PIH1D2: variants seen among roughly 807,000 people sequenced by gnomAD.
PIH1D2 encodes the protein PIH1 domain containing 2, also known as PIH1 domain-containing protein 2.
In PIH1D2, 25 loss-of-function variants were observed where a neutral mutation model predicts 31.2. The ratio of observed to expected loss-of-function variants is 0.80; its 90% confidence interval spans 0.58 to 1.12. The LOEUF is 1.12. PIH1D2 is among the 50% of genes most tolerant of loss of function. The probability of loss-of-function intolerance (pLI) is 0.00; values close to 1 mark genes in which losing one functional copy is unlikely to be tolerated. For missense variants in PIH1D2, 310 were observed against 356.6 expected, an observed-to-expected ratio of 0.87 and a Z score of 1.05; for synonymous variants, 116 against 119.9, an observed-to-expected ratio of 0.97 and a Z score of 0.21.
chr11:112,067,557 C>G (rs1166099265), downstream of PIH1D2, among the ~76,000 whole-genome samples: 1 of 145,108 alleles, frequency 6.9e-6, no homozygotes, highest in Non-Finnish European at 1.5e-5. Flanking sequence ...CCCAGCTACT[C>G]GGGAGGCTGA....
downstream of PIH1D2, among the ~76,000 whole-genome samples, chr11:112,064,830 T>C (rs1030714349): frequency 1.3e-4 from 19 of 150,740 alleles, no homozygotes; most frequent in Admixed American, 1.3e-4. Flanking sequence ...TGTAGAAAAA[T>C]CTGGTCTCCA....
At chr11:112,058,052 C>G in the PIH1D2 span, among the ~76,000 whole-genome samples, 2 of 152,076 alleles carry the variant, frequency 1.3e-5, no homozygotes, top group Non-Finnish European at 2.9e-5. Context: ...TGGTCTGGAA[C>G]TGAACCTGGA....
At chr11:112,070,882 A>G in intron 4 of PIH1D2, 156 bp downstream of exon 4, 2 of 1,222,794 alleles carry the variant, frequency 1.6e-6, no homozygotes, top group South Asian at 1.7e-5. Flanking sequence ...CAGGATTTAA[A>G]AATCAAGGAT....
intron 2 of PIH1D2, among the ~76,000 whole-genome samples, chr11:112,072,549 CAAAAAAAAAA>C (rs148760956): frequency 1.4e-4 from 5 of 36,358 alleles, no homozygotes; most frequent in South Asian, 2.6e-3. Context: ...GACCCTATCT[CAAAAAAAAAA>C]AAAAAAAAAA....
chr11:112,056,966 C>G, the PIH1D2 span, among the ~76,000 whole-genome samples: 1 of 152,148 alleles, frequency 6.6e-6, no homozygotes, highest in Non-Finnish European at 1.5e-5. Context: ...TTGATGGCAC[C>G]ATTTTTCCAA....
At chr11:112,059,138 C>T (rs1164350587), downstream of PIH1D2, among the ~76,000 whole-genome samples, 2 of 151,966 alleles carry the variant, frequency 1.3e-5, no homozygotes, top group Non-Finnish European at 2.9e-5. Context: ...CTATTTCTTG[C>T]TACAATGCAG....
At chr11:112,068,582 G>C (rs1865007440) in intron 5 of PIH1D2, among the ~76,000 whole-genome samples, 1 of 152,022 alleles carries the variant, frequency 6.6e-6, no homozygotes, top group Admixed American at 6.6e-5. Flanking sequence ...CCAGGAGTTC[G>C]AGACCAACAT....
chr11:112,065,851 G>C (rs1264702263), downstream of PIH1D2, among the ~76,000 whole-genome samples: 1 of 152,028 alleles, frequency 6.6e-6, no homozygotes, highest in African/African-American at 2.4e-5. Context: ...TGTGGTGGCA[G>C]TCGCCTGTAA....
chr11:112,055,235 ATTTTT>A, the PIH1D2 span, among the ~76,000 whole-genome samples: 1 of 75,454 alleles, frequency 1.3e-5, no homozygotes, highest in Non-Finnish European at 2.5e-5. Context: ...GTCAAGGCCT[ATTTTT>A]TTTTTTTTTT....
the PIH1D2 span, among the ~76,000 whole-genome samples, chr11:112,055,706 A>T: frequency 4.6e-5 from 7 of 151,888 alleles, no homozygotes; most frequent in African/African-American, 1.7e-4. Flanking sequence ...TGCTATGGCC[A>T]CCGTGATGAT....
chr11:112,058,939 A>G (rs1555182872), downstream of PIH1D2, among the ~76,000 whole-genome samples: 1 of 151,664 alleles, frequency 6.6e-6, no homozygotes, highest in African/African-American at 2.4e-5. Context: ...TTTTCTAGTA[A>G]TTTGAGTATT....
downstream of PIH1D2, among the ~76,000 whole-genome samples, chr11:112,059,308 C>T (rs1175532630): frequency 2.6e-5 from 4 of 151,312 alleles, no homozygotes; most frequent in South Asian, 4.2e-4. Context: ...GGATGTTAGA[C>T]GATATGTGCG....
chr11:112,059,813 T>G, downstream of PIH1D2: 1 of 1,202,908 alleles, frequency 8.3e-7, no homozygotes, highest in Non-Finnish European at 1.1e-6. Context: ...TCAAAAAATT[T>G]TTGAAGTAAA....
intron 4 of PIH1D2, 126 bp downstream of exon 4, chr11:112,070,912 A>C: frequency 5.6e-6 from 7 of 1,248,016 alleles, no homozygotes; most frequent in Non-Finnish European, 7.5e-6. Flanking sequence ...CTAATATTTA[A>C]TATTTGCATT....
downstream of PIH1D2, chr11:112,059,923 G>A (rs113521778): frequency 6.2e-6 from 10 of 1,610,964 alleles, no homozygotes; most frequent in Middle Eastern, 1.7e-4. Context: ...GTTGATGTCA[G>A]TGTTGCGGTC....
At chr11:112,055,217 G>A in the PIH1D2 span, among the ~76,000 whole-genome samples, 7 of 146,848 alleles carry the variant, frequency 4.8e-5, no homozygotes, top group African/African-American at 1.0e-4. Context: ...ACAGTCTTCC[G>A]TAATTCAGTC....
At chr11:112,064,126 C>A (rs1555183585), downstream of PIH1D2, 2 of 1,459,048 alleles carry the variant, frequency 1.4e-6, no homozygotes, top group Non-Finnish European at 9.2e-7. Context: ...AAGCTTATCA[C>A]AAGGGACCAT....
At position 112,072,884 on chromosome 11, in the gene PIH1D2, CA is replaced by C. The variant is rs202237607; in HGVS notation, c.177+113del. 1.1e-4 allele frequency: 103 copies of C among 927,088 alleles called. 1 individual carries two copies. The African/African-American group carries it at 1.7e-3, about 15-fold the overall frequency. 57.4% of individuals were successfully genotyped at this position (927,088 alleles called of 1,614,324 possible). A position where few individuals can be genotyped will look rare whatever the true frequency, so the allele number is the denominator to read the frequency against. On this transcript the variant is annotated intron_variant, in intron 2 of 5. Transcript: ENST00000280350. ...TCTCAAAAAACAAAACAAAACAAAA[CA>C]AAACAAAAAAAAAACAAAAAAAATT...
At chr11:112,057,816 A>C in the PIH1D2 span, among the ~76,000 whole-genome samples, 2 of 151,112 alleles carry the variant, frequency 1.3e-5, no homozygotes, top group African/African-American at 5.0e-5. Context: ...ATCAACATCA[A>C]GGCAAGATCT....
Sources: gnomAD v4.1 joint callset for allele counts (sites outside exome capture counted in the v4.1 genomes callset) on GRCh38, gnomAD v4.1.1 for gene constraint, MANE v1.5 for transcripts, NCBI Gene and HGNC (gene_info 2026-07-23, HGNC 2026-07-21) for gene names.